The following NELL1 variants were observed in gnomAD, a reference collection of about 807,000 sequenced individuals.
NELL1 encodes protein kinase C-binding protein NELL1.
Under a neutral mutation model 107.4 loss-of-function variants are expected in NELL1, and 76 were observed. The ratio of observed to expected loss-of-function variants is 0.71; its 90% CI spans 0.59 to 0.86. The LOEUF (loss-of-function observed/expected upper bound fraction) is 0.86, where lower values mean the gene tolerates loss of function less well. NELL1 is among the 40% of genes least tolerant of loss of function. The pLI is 0.00. For missense variants in NELL1, 1,024 were observed against 1,005.5 expected, an observed-to-expected ratio of 1.02 and a Z score of -0.25; for synonymous variants, 353 against 341.2, an observed-to-expected ratio of 1.03 and a Z score of -0.38.
At chr11:21,128,186 T>G (rs544623225) in intron 13 of NELL1, among the ~76,000 whole-genome samples, 1 of 152,310 alleles carries the variant, frequency 6.6e-6, no homozygotes, top group African/African-American at 2.4e-5. Context: ...TCGTGATGTT[T>G]TAAGGACCCC....
chr11:21,104,273 G>A (rs567291409), intron 12 of NELL1, among the ~76,000 whole-genome samples: 1 of 152,240 alleles, frequency 6.6e-6, no homozygotes, highest in East Asian at 1.9e-4. Flanking sequence ...TTTCCGTGTG[G>A]ACATTTAACA....
In NELL1 at chr11:20,847,751, C is replaced by T; in HGVS notation, c.504C>T (p.Asn168=). Residue 168 remains asparagine (N), a splice_region_variant and synonymous_variant, in exon 4 of 20, where the codon AAC becomes AAT. Coordinates refer to ENST00000357134, the MANE Select transcript of NELL1 (RefSeq NM_006157.5). Reference sequence around the variant, plus strand: ...ATCTCCTGCTCCATGTCGACTGTAACAGGTATTTCTTTGTCTTTGAGTGTT... The same window carrying T: ...ATCTCCTGCTCCATGTCGACTGTAATAGGTATTTCTTTGTCTTTGAGTGTT... ...ASHLLLHVDC[N]RIYERVIDPP... The T allele has an allele frequency of 6.2e-7, 1 of 1,608,424 alleles. No individual in the cohort carries two copies. The highest frequency in any genetic ancestry group is 1.1e-5 in the South Asian group (1 of 90,016).
chr11:21,394,927 A>T (rs1431831211), intron 15 of NELL1, among the ~76,000 whole-genome samples: 1 of 151,608 alleles, frequency 6.6e-6, no homozygotes, highest in South Asian at 2.1e-4. Flanking sequence ...CTAGTTTCTT[A>T]TATGTAGGTT....
intron 16 of NELL1, among the ~76,000 whole-genome samples, chr11:21,555,854 T>C (rs1239712677): frequency 6.6e-6 from 1 of 151,926 alleles, no homozygotes; most frequent in Non-Finnish European, 1.5e-5. Flanking sequence ...GTGTTCTAAC[T>C]GTGTCAACCT....
At chr11:20,759,136 C>T (rs553902936) in intron 2 of NELL1, among the ~76,000 whole-genome samples, 1 of 152,342 alleles carries the variant, frequency 6.6e-6, no homozygotes, top group South Asian at 2.1e-4. Flanking sequence ...CTCTGTCTTC[C>T]TCTACTTTCC....
chr11:21,530,097 T>C (rs932678873), intron 15 of NELL1, among the ~76,000 whole-genome samples: 1 of 152,118 alleles, frequency 6.6e-6, no homozygotes, highest in African/African-American at 2.4e-5. Context: ...ATGGGGCAAA[T>C]GTACTAGCAC....
At chr11:20,720,946 C>A (rs1855366965) in intron 2 of NELL1, among the ~76,000 whole-genome samples, 1 of 152,010 alleles carries the variant, frequency 6.6e-6, no homozygotes, top group Admixed American at 6.6e-5. Context: ...CATAACACAT[C>A]TTTTTCTCCT....
At chr11:21,492,483 C>T (rs1267958078) in intron 15 of NELL1, among the ~76,000 whole-genome samples, 1 of 151,442 alleles carries the variant, frequency 6.6e-6, no homozygotes, top group African/African-American at 2.4e-5. Context: ...ATAGCAAAGA[C>T]TTGGAACCAA....
At chr11:21,242,772 T>G (rs891937570) in intron 14 of NELL1, among the ~76,000 whole-genome samples, 2 of 152,168 alleles carry the variant, frequency 1.3e-5, no homozygotes, top group African/African-American at 4.8e-5. Context: ...GACAGTTGCT[T>G]TTTATCTAAG....
intron 16 of NELL1, among the ~76,000 whole-genome samples, chr11:21,555,466 A>G (rs190000799): frequency 2.0e-4 from 30 of 151,960 alleles, no homozygotes; most frequent in Admixed American, 1.2e-3. Flanking sequence ...GATACTAGGA[A>G]ATAAAATCTG....
intron 12 of NELL1, among the ~76,000 whole-genome samples, chr11:20,976,155 A>C (rs956852934): frequency 7.4e-5 from 8 of 107,696 alleles, no homozygotes; most frequent in Non-Finnish European, 1.1e-4. Context: ...ATGTATATAT[A>C]TACACACATT....
chr11:21,186,275 G>A (rs969467304), intron 13 of NELL1, among the ~76,000 whole-genome samples: 1 of 151,792 alleles, frequency 6.6e-6, no homozygotes, highest in Non-Finnish European at 1.5e-5. Flanking sequence ...ATATACACCA[G>A]TGAAGCATAT....
chr11:20,800,961 A>G (rs754465172), intron 3 of NELL1, among the ~76,000 whole-genome samples: 2 of 152,202 alleles, frequency 1.3e-5, no homozygotes, highest in African/African-American at 2.4e-5. Flanking sequence ...AAAAAAAACA[A>G]ACAAACCATG....
chr11:21,198,215 G>C (rs570176702), intron 13 of NELL1, among the ~76,000 whole-genome samples: 6 of 152,172 alleles, frequency 3.9e-5, no homozygotes, highest in Non-Finnish European at 8.8e-5. Context: ...TTTACAGTGT[G>C]GAAGCTGGGT....
chr11:21,302,736 C>T (rs1383136041), intron 14 of NELL1, among the ~76,000 whole-genome samples: 1 of 151,790 alleles, frequency 6.6e-6, no homozygotes, highest in Admixed American at 6.6e-5. Flanking sequence ...TGAAACACTG[C>T]TCTAGGTTCT....
intron 16 of NELL1, among the ~76,000 whole-genome samples, chr11:21,540,250 C>G (rs777861747): frequency 4.6e-5 from 7 of 151,904 alleles, no homozygotes; most frequent in Non-Finnish European, 8.8e-5. Context: ...TTATAATCAC[C>G]CTACTCTGCT....
intron 12 of NELL1, among the ~76,000 whole-genome samples, chr11:21,013,120 G>A (rs1000500897): frequency 2.0e-5 from 3 of 152,160 alleles, no homozygotes; most frequent in Non-Finnish European, 4.4e-5. Context: ...GCCCAAGAAT[G>A]AACAAAGGGC....
At chr11:21,304,616 T>C (rs1849568975) in intron 14 of NELL1, among the ~76,000 whole-genome samples, 1 of 151,894 alleles carries the variant, frequency 6.6e-6, no homozygotes, top group Non-Finnish European at 1.5e-5. Context: ...GTCTACAGCC[T>C]ACATTTCTAT....
At chr11:21,233,143 G>C (rs1565123223) in intron 14 of NELL1, among the ~76,000 whole-genome samples, 1 of 152,132 alleles carries the variant, frequency 6.6e-6, no homozygotes, top group East Asian at 1.9e-4. Context: ...CGTGGTGGTC[G>C]ATGCCCATGT....
Sources: gnomAD v4.1 joint callset for allele counts (sites outside exome capture counted in the v4.1 genomes callset) on GRCh38, gnomAD v4.1.1 for gene constraint, MANE v1.5 for transcripts, NCBI Gene and HGNC (gene_info 2026-07-23, HGNC 2026-07-21) for gene names.